SDK1: variants seen among roughly 807,000 people sequenced by gnomAD.
The protein encoded by SDK1 is protein sidekick-1.
Under a neutral mutation model 245.5 loss-of-function variants are expected in SDK1, and 157 were observed. The ratio of observed to expected loss-of-function variants is 0.64; its 90% CI spans 0.56 to 0.73. The LOEUF (loss-of-function observed/expected upper bound fraction) is 0.73, where lower values mean the gene tolerates loss of function less well. SDK1 is among the 30% of genes least tolerant of loss of function. The probability of loss-of-function intolerance (pLI) is 0.00; values close to 1 mark genes in which losing one functional copy is unlikely to be tolerated. For missense variants in SDK1, 3,583 were observed against 3,002.3 expected (o/e 1.19, Z -4.52); for synonymous variants, 1,647 against 1,278.5 (o/e 1.29, Z -6.15).
At chr7:3,649,257 T>C (rs776558837) in intron 4 of SDK1, among the ~76,000 whole-genome samples, 1 of 152,118 alleles carries the variant, frequency 6.6e-6, no homozygotes, top group African/African-American at 2.4e-5. Flanking sequence ...ACAGGTCCTC[T>C]GTGGAGGTGA....
At chr7:3,564,627 A>G (rs1779851193) in intron 1 of SDK1, among the ~76,000 whole-genome samples, 1 of 152,160 alleles carries the variant, frequency 6.6e-6, no homozygotes, top group Non-Finnish European at 1.5e-5. Context: ...AAATGAATAA[A>G]TTCTCAGAAA....
intron 1 of SDK1, among the ~76,000 whole-genome samples, chr7:3,523,161 A>G (rs978032182): frequency 2.0e-5 from 3 of 152,224 alleles, no homozygotes; most frequent in South Asian, 2.1e-4. Context: ...TGAAGGAGCA[A>G]AATCTCATGA....
chr7:3,951,654 C>G (rs1040470568), intron 6 of SDK1, 76 bp from the exon 7 acceptor site: 4 of 1,352,234 alleles, frequency 3.0e-6, no homozygotes, highest in Non-Finnish European at 2.1e-6. Context: ...CAAGCCTGTG[C>G]CGAGTGCCTG....
intron 22 of SDK1, among the ~76,000 whole-genome samples, chr7:4,085,647 C>T (rs1307265153): frequency 2.0e-5 from 3 of 152,082 alleles, no homozygotes; most frequent in Non-Finnish European, 2.9e-5. Flanking sequence ...CTCCACCTCC[C>T]GGGTTCAAGC....
chr7:4,188,390 G>A (rs534971069), intron 35 of SDK1, among the ~76,000 whole-genome samples: 4 of 152,248 alleles, frequency 2.6e-5, no homozygotes, highest in South Asian at 2.1e-4. Context: ...TTGTCTCCAC[G>A]GCTTAATGGG....
chr7:3,771,258 A>G (rs1354593324), intron 4 of SDK1, among the ~76,000 whole-genome samples: 21 of 152,048 alleles, frequency 1.4e-4, no homozygotes, highest in Admixed American at 1.4e-3. Flanking sequence ...GTGGAAGTGC[A>G]CAAGCCCTCT....
At chr7:4,135,367 G>T (rs1779003190) in intron 28 of SDK1, among the ~76,000 whole-genome samples, 1 of 152,182 alleles carries the variant, frequency 6.6e-6, no homozygotes, top group African/African-American at 2.4e-5. Context: ...CATTCACACT[G>T]CACCCCAGAC....
At chr7:4,048,355 C>G (rs1427949244) in intron 17 of SDK1, among the ~76,000 whole-genome samples, 1 of 152,132 alleles carries the variant, frequency 6.6e-6, no homozygotes, top group Non-Finnish European at 1.5e-5. Context: ...AAGAAGCTAG[C>G]CCTGCCCACT....
chr7:4,130,761 G>A lies in SDK1; in HGVS notation c.4129+664G>A, dbSNP rs151043518. On this transcript the variant is annotated intron_variant, in intron 27 of 44. Transcript: ENST00000404826. ...AGATGTCAAACACATAAAGGTTAGC[G>A]CCTTTACATTTTCATTATTAAACAG... 9.6e-4 allele frequency among the ~76,000 whole-genome samples: 146 copies of A among 152,206 alleles called. 1 individual carries two copies. The highest frequency in any genetic ancestry group is 3.3e-3 in the African/African-American group (137 of 41,522).
At chr7:4,171,833 C>T (rs1328568832) in intron 32 of SDK1, among the ~76,000 whole-genome samples, 1 of 152,244 alleles carries the variant, frequency 6.6e-6, no homozygotes, top group Non-Finnish European at 1.5e-5. Context: ...GGCTGCAAGC[C>T]CGCAGGATGG....
intron 4 of SDK1, among the ~76,000 whole-genome samples, chr7:3,708,299 G>A (rs1784947895): frequency 2.0e-5 from 3 of 151,054 alleles, no homozygotes; most frequent in Admixed American, 1.3e-4. Context: ...CTCCCACCAG[G>A]CCCTCCATAC....
intron 2 of SDK1, among the ~76,000 whole-genome samples, chr7:3,621,006 G>A (rs948763783): frequency 2.6e-5 from 4 of 152,154 alleles, no homozygotes; most frequent in African/African-American, 9.7e-5. Flanking sequence ...GAGCAATGGT[G>A]TTATAACTTT....
chr7:3,412,794 A>G (rs191290011), intron 1 of SDK1, among the ~76,000 whole-genome samples: 2 of 152,310 alleles, frequency 1.3e-5, no homozygotes, highest in East Asian at 3.9e-4. Context: ...TTGGGCTAAT[A>G]AGTAACCCAT....
chr7:3,937,151 C>G (rs1780189925), intron 5 of SDK1, among the ~76,000 whole-genome samples: 2 of 152,098 alleles, frequency 1.3e-5, no homozygotes, highest in Admixed American at 1.3e-4. Context: ...TCTCAGCTCT[C>G]TTACATTTGG....
chr7:3,479,790 A>T (rs35153911), intron 1 of SDK1, among the ~76,000 whole-genome samples: 3 of 151,078 alleles, frequency 2.0e-5, no homozygotes, highest in Non-Finnish European at 2.9e-5. Context: ...TGAAACTGGG[A>T]GGCAGAGGTT....
chr7:4,186,168 A>T (rs1488135892), intron 35 of SDK1, among the ~76,000 whole-genome samples: 1 of 152,256 alleles, frequency 6.6e-6, no homozygotes, highest in South Asian at 2.1e-4. Flanking sequence ...TTTTCTGTTC[A>T]TTTATGAATC....
At chr7:3,322,764 C>G (rs767803515) in intron 1 of SDK1, among the ~76,000 whole-genome samples, 1 of 152,154 alleles carries the variant, frequency 6.6e-6, no homozygotes. Context: ...GGTAATTGCA[C>G]TCTTTTGCTC....
intron 1 of SDK1, among the ~76,000 whole-genome samples, chr7:3,454,388 T>TTG (rs60437983): frequency 0.19 from 27,529 of 141,690 alleles, 2,815 homozygotes; most frequent in East Asian, 0.37. Context: ...TCCCCAAGAT[T>TTG]TGTGTGTGTG....
intron 4 of SDK1, among the ~76,000 whole-genome samples, chr7:3,654,226 G>A (rs186426061): frequency 2.0e-5 from 3 of 152,282 alleles, no homozygotes; most frequent in Admixed American, 2.0e-4. Context: ...TTTCGTTGTT[G>A]TTCTCACCAC....
Sources: allele counts gnomAD v4.1 joint callset (sites outside exome capture counted in the v4.1 genomes callset), GRCh38; gene constraint gnomAD v4.1.1; transcripts MANE v1.5; gene names NCBI Gene and HGNC (gene_info 2026-07-23, HGNC 2026-07-21).